Variants in MAML2 observed in about 807,000 individuals in gnomAD.
The protein encoded by MAML2 is mastermind-like protein 2.
A neutral mutation model predicts 96.1 loss-of-function variants in MAML2; 22 were observed. That is an observed-to-expected ratio of 0.23 (90% CI 0.16 to 0.33). The LOEUF (loss-of-function observed/expected upper bound fraction) is 0.33. MAML2 is among the 10% of genes least tolerant of loss of function. The pLI is 1.00. For missense variants in MAML2, 1,367 were observed against 1,392.4 expected (o/e 0.98, Z 0.29); for synonymous variants, 561 against 521.3 (o/e 1.08, Z -1.04).
intron 1 of MAML2, among the ~76,000 whole-genome samples, chr11:96,129,806 G>A (rs1056646780): frequency 1.3e-5 from 2 of 152,106 alleles, no homozygotes; most frequent in African/African-American, 4.8e-5. Context: ...AGTCCCTGGT[G>A]TGTTCCCATC....
intron 1 of MAML2, among the ~76,000 whole-genome samples, chr11:96,252,991 A>G (rs1296568126): frequency 2.0e-5 from 3 of 152,314 alleles, no homozygotes; most frequent in African/African-American, 7.2e-5. Flanking sequence ...TCCCACTATA[A>G]TATCGTGTCT....
chr11:96,200,569 A>T (rs1861805936), intron 1 of MAML2, among the ~76,000 whole-genome samples: 1 of 152,206 alleles, frequency 6.6e-6, no homozygotes, highest in Non-Finnish European at 1.5e-5. Flanking sequence ...AAGATGTACT[A>T]AGTTAGTGTG....
rs1283187400 is a variant in MAML2, at chr11:96,341,913, T to C, written c.-18A>G. ...TCCCCCATCTTACCGGACACAATGA[T>C]TGCTGCCTCTGGGATGGTGAGGTGG... is the stretch of plus-strand genomic sequence containing the variant. On this transcript the variant is annotated 5_prime_UTR_variant, in exon 1 of 5. Coordinates refer to ENST00000524717, the MANE Select transcript of MAML2 (RefSeq NM_032427.4). 2.0e-6 allele frequency: 3 copies of C among 1,496,844 alleles called. No individual in the cohort carries two copies. Among genetic ancestry groups the C allele is most frequent in the Non-Finnish European group, 2.7e-6 (3 of 1,127,584 alleles). The allele number at this position is 1,496,844 out of a possible 1,614,324, so 92.7% of individuals were successfully genotyped here. A position where few individuals can be genotyped will look rare whatever the true frequency, so the allele number is the denominator to read the frequency against.
At chr11:96,216,347 G>C (rs1488662855) in intron 1 of MAML2, among the ~76,000 whole-genome samples, 2 of 152,176 alleles carry the variant, frequency 1.3e-5, no homozygotes, top group Non-Finnish European at 2.9e-5. Flanking sequence ...CCAGGAAGAG[G>C]AAGCCACTGC....
intron 1 of MAML2, among the ~76,000 whole-genome samples, chr11:96,117,528 G>C (rs1384764279): frequency 6.6e-6 from 1 of 151,826 alleles, no homozygotes; most frequent in Non-Finnish European, 1.5e-5. Flanking sequence ...TCAAACTCCT[G>C]AGCTCAAGCA....
intron 1 of MAML2, among the ~76,000 whole-genome samples, chr11:96,177,719 C>T (rs1861408958): frequency 1.3e-5 from 2 of 152,158 alleles, no homozygotes; most frequent in South Asian, 4.1e-4. Context: ...TTATTAGCAA[C>T]TCCAAGCCTA....
At chr11:96,338,417 A>G (rs1863946648) in intron 1 of MAML2, among the ~76,000 whole-genome samples, 1 of 152,272 alleles carries the variant, frequency 6.6e-6, no homozygotes, top group African/African-American at 2.4e-5. Context: ...TAGGCTGTCA[A>G]TGTGGACAGA....
intron 1 of MAML2, among the ~76,000 whole-genome samples, chr11:96,188,736 G>T (rs2135918796): frequency 6.6e-6 from 1 of 152,030 alleles, no homozygotes; most frequent in East Asian, 1.9e-4. Context: ...GTGAAATTGT[G>T]TGTGGGAGGG....
chr11:96,063,701 A>G (rs1859203214), intron 2 of MAML2, among the ~76,000 whole-genome samples: 1 of 152,338 alleles, frequency 6.6e-6, no homozygotes, highest in African/African-American at 2.4e-5. Flanking sequence ...TCCAAAGCCT[A>G]TGGCTTTTTA....
intron 2 of MAML2, among the ~76,000 whole-genome samples, chr11:96,025,049 T>C (rs1858494791): frequency 6.6e-6 from 1 of 152,174 alleles, no homozygotes; most frequent in South Asian, 2.1e-4. Context: ...CATTACTGTG[T>C]ATATACCCAA....
intron 1 of MAML2, among the ~76,000 whole-genome samples, chr11:96,317,210 C>A (rs1565282216): frequency 6.6e-6 from 1 of 152,186 alleles, no homozygotes; most frequent in Non-Finnish European, 1.5e-5. Flanking sequence ...TGCACCTTTG[C>A]AAATCTATAC....
At chr11:96,323,483 GA>G (rs57745850) in intron 1 of MAML2, among the ~76,000 whole-genome samples, 23 of 144,752 alleles carry the variant, frequency 1.6e-4, no homozygotes, top group South Asian at 2.2e-4. Context: ...ACAAAATGCT[GA>G]AAAAAAAAAA....
chr11:96,230,476 T>C (rs576467120), intron 1 of MAML2, among the ~76,000 whole-genome samples: 1 of 152,328 alleles, frequency 6.6e-6, no homozygotes, highest in African/African-American at 2.4e-5. Flanking sequence ...GCTGAAATGT[T>C]AGAAGAACAA....
At chr11:96,071,242 G>T (rs1342384028) in intron 2 of MAML2, among the ~76,000 whole-genome samples, 1 of 152,270 alleles carries the variant, frequency 6.6e-6, no homozygotes, top group Non-Finnish European at 1.5e-5. Flanking sequence ...TATAAACAGG[G>T]TGCTTCAGCT....
chr11:96,190,981 T>C (rs1861644397), intron 1 of MAML2, among the ~76,000 whole-genome samples: 1 of 152,218 alleles, frequency 6.6e-6, no homozygotes, highest in African/African-American at 2.4e-5. Context: ...TCTCTTCTTG[T>C]CACACCATAT....
intron 1 of MAML2, among the ~76,000 whole-genome samples, chr11:96,199,221 A>AG (rs1491088422): frequency 8.5e-5 from 12 of 141,532 alleles, no homozygotes; most frequent in Admixed American, 4.3e-4. Flanking sequence ...AAAAAAAAAA[A>AG]AGAGAGGGGT....
chr11:96,205,352 A>T (rs1428965574), intron 1 of MAML2, among the ~76,000 whole-genome samples: 1 of 152,196 alleles, frequency 6.6e-6, no homozygotes, highest in Admixed American at 6.5e-5. Context: ...TATATTGCAG[A>T]TGCTCTATAC....
intron 2 of MAML2, among the ~76,000 whole-genome samples, chr11:96,037,679 C>T (rs1276266208): frequency 3.9e-5 from 6 of 152,180 alleles, no homozygotes; most frequent in Admixed American, 6.5e-5. Context: ...CAGGTTAGAA[C>T]CAGCAATTGG....
intron 2 of MAML2, among the ~76,000 whole-genome samples, chr11:96,059,068 T>A (rs183312159): frequency 4.0e-4 from 60 of 151,814 alleles, no homozygotes; most frequent in Admixed American, 9.8e-4. Context: ...GGTAAGAGAG[T>A]GAGACTCTAT....
Sources: gnomAD v4.1 joint callset for allele counts (sites outside exome capture counted in the v4.1 genomes callset) on GRCh38, gnomAD v4.1.1 for gene constraint, MANE v1.5 for transcripts, NCBI Gene and HGNC (gene_info 2026-07-23, HGNC 2026-07-21) for gene names.